Variants in ZNF69 observed in about 807,000 individuals in gnomAD.
ZNF69 encodes zinc finger protein 69, also known as ZNF3.
ZNF69 carries 47 observed loss-of-function variants against 50.9 expected under a neutral mutation model. That is an observed-to-expected ratio of 0.92 (90% CI 0.73 to 1.18). ZNF69 has a LOEUF of 1.18. ZNF69 is among the 50% of genes most tolerant of loss of function. The pLI, the probability that ZNF69 is intolerant of heterozygous loss-of-function variation, is 0.00. For synonymous variants in ZNF69, 216 were observed against 223.1 expected (o/e 0.97, Z 0.29); for missense variants, 717 against 675.1 (o/e 1.06, Z -0.69).
At chr19:11,949,911 C>T in the ZNF69 span, 1 of 1,614,080 alleles carries the variant, frequency 6.2e-7, no homozygotes, top group Admixed American at 1.7e-5. Context: ...GGAAAGCCTT[C>T]AGATCTGCCT....
chr19:11,910,941 T>C (rs960667908), downstream of ZNF69, among the ~76,000 whole-genome samples: 28 of 152,148 alleles, frequency 1.8e-4, no homozygotes, highest in Middle Eastern at 3.4e-3. Context: ...AGGGCTAATA[T>C]CCAGAATCTA....
In ZNF69 at chr19:11,905,157, G is replaced by A; in HGVS notation, c.760G>A (p.Gly254Ser). 1 of 1,614,050 alleles carries A rather than the reference G, an allele frequency of 6.2e-7. No homozygotes were observed. Among genetic ancestry groups the A allele is most frequent in the East Asian group, 2.2e-5 (1 of 44,868 alleles). The stretch of plus-strand genomic sequence containing the variant: ...GAAACCATATGAATGTAAACAATGT[G>A]GTAAATCCTTTAGTTATTCTGCTAC... ...GEKPYECKQCGKSFSYSATLR... is the reference protein window; with the variant it reads ...GEKPYECKQCSKSFSYSATLR... Residue 254 changes from glycine (G) to serine (S), a missense_variant, in exon 4 of 4, where the codon GGT (glycine) becomes AGT (serine). Physicochemically the swap from Gly to Ser is moderately conservative, Grantham distance 56. Transcript: ENST00000429654.
the ZNF69 span, chr19:11,949,430 C>T: frequency 3.1e-6 from 5 of 1,612,938 alleles, no homozygotes; most frequent in African/African-American, 4.0e-5. Context: ...AGGACTCATA[C>T]TGGAGAGAAA....
intron 1 of ZNF69, among the ~76,000 whole-genome samples, chr19:11,889,330 T>TA (rs1181109569): frequency 6.6e-6 from 1 of 152,298 alleles, no homozygotes; most frequent in Admixed American, 6.5e-5. Flanking sequence ...TTGCTGCATG[T>TA]AAACTCCTAA....
At chr19:11,935,233 G>GTTTTTTT in the ZNF69 span, among the ~76,000 whole-genome samples, 1 of 93,234 alleles carries the variant, frequency 1.1e-5, no homozygotes, top group African/African-American at 5.2e-5. Flanking sequence ...GAAAGATCTT[G>GTTTTTTT]TTTTTTTTTT....
the ZNF69 span, among the ~76,000 whole-genome samples, chr19:11,957,632 A>G: frequency 5.3e-5 from 8 of 152,080 alleles, no homozygotes; most frequent in Admixed American, 1.3e-4. Context: ...ATCACTTGAG[A>G]TCAGGAGTTC....
chr19:11,951,129 A>G, the ZNF69 span, among the ~76,000 whole-genome samples: 9 of 147,050 alleles, frequency 6.1e-5, no homozygotes, highest in Admixed American at 2.7e-4. Flanking sequence ...CCAGCCTGGC[A>G]ACAGAGCAAG....
At position 11,905,454 on chromosome 19, in the gene ZNF69, A is replaced by G. The variant is rs148732207; in HGVS notation, c.1057A>G (p.Met353Val). The change falls in exon 4 of 4, where the codon ATG (methionine) becomes GTG (valine). Residue 353 changes from methionine to valine, a missense_variant. Physicochemically the swap from Met to Val is conservative, Grantham distance 21. Coordinates refer to ENST00000429654, the MANE Select transcript of ZNF69 (RefSeq NM_001364730.1). ...SLTSFQTHIRMHSGERPYECK... is the reference protein window; with the variant it reads ...SLTSFQTHIRVHSGERPYECK... ...TACAAGTTTTCAAACACACATAAGA[A>G]TGCACTCTGGAGAAAGACCTTATGA... 1.8e-3 allele frequency: 2,861 copies of G among 1,614,242 alleles called. 34 individuals carry two copies. The Admixed American group carries it at 0.025, about 14-fold the overall frequency.
the ZNF69 span, among the ~76,000 whole-genome samples, chr19:11,944,632 G>A: frequency 6.6e-6 from 1 of 152,196 alleles, no homozygotes; most frequent in Admixed American, 6.5e-5. Flanking sequence ...CCCACCCAGA[G>A]TATGTACACA....
chr19:11,907,691 A>G (rs1261742156), downstream of ZNF69, among the ~76,000 whole-genome samples: 1 of 152,232 alleles, frequency 6.6e-6, no homozygotes, highest in African/African-American at 2.4e-5. Flanking sequence ...ATGGAAAGGA[A>G]CAACCGGTAC....
chr19:11,964,907 T>G, the ZNF69 span: 2 of 408,640 alleles, frequency 4.9e-6, no homozygotes, highest in Admixed American at 3.9e-5. Context: ...TCAGTCTGGC[T>G]CTGCCGGGCC....
chr19:11,907,795 A>G (rs888921169), downstream of ZNF69, among the ~76,000 whole-genome samples: 2 of 152,220 alleles, frequency 1.3e-5, no homozygotes, highest in African/African-American at 4.8e-5. Flanking sequence ...TAACATCATA[A>G]TGACTGGATC....
chr19:11,907,452 C>T (rs952213197), downstream of ZNF69, among the ~76,000 whole-genome samples: 1 of 152,220 alleles, frequency 6.6e-6, no homozygotes, highest in African/African-American at 2.4e-5. Flanking sequence ...CAAAGGGAAG[C>T]CCGTCAGACT....
At chr19:11,913,733 A>C in exon 5 of ZNF69, 27 of 183,954 alleles carry the variant, frequency 1.5e-4, no homozygotes, top group South Asian at 3.8e-4. Flanking sequence ...CAGTTATCTC[A>C]TGTACCTCTG....
chr19:11,978,098 G>A, the ZNF69 span: 2 of 1,605,032 alleles, frequency 1.2e-6, no homozygotes, highest in Non-Finnish European at 1.7e-6. Context: ...TTCATAATGT[G>A]CTTCTCACTT....
the ZNF69 span, among the ~76,000 whole-genome samples, chr19:11,952,152 A>G: frequency 6.6e-6 from 1 of 151,874 alleles, no homozygotes; most frequent in South Asian, 2.1e-4. Flanking sequence ...GCACTCCTGC[A>G]TGGGCAACAA....
At chr19:11,978,692 T>C in the ZNF69 span, 4 of 1,614,214 alleles carry the variant, frequency 2.5e-6, no homozygotes, top group Non-Finnish European at 3.4e-6. Flanking sequence ...AAAAGCCTTA[T>C]GAATGTCAGC....
chr19:11,904,064 T>C (rs992496127), intron 3 of ZNF69, 99 bp downstream of exon 3: 11 of 1,399,658 alleles, frequency 7.9e-6, no homozygotes, highest in Non-Finnish European at 9.8e-7. Context: ...CAGGATCAAA[T>C]ACATTTATTT....
At chr19:11,956,757 G>A in the ZNF69 span, 1 of 381,130 alleles carries the variant, frequency 2.6e-6, no homozygotes, top group Non-Finnish European at 4.6e-6. Flanking sequence ...TCGGGAGGCT[G>A]AGGCATGAGA....
Sources: gnomAD v4.1 joint callset for allele counts (sites outside exome capture counted in the v4.1 genomes callset) on GRCh38, gnomAD v4.1.1 for gene constraint, MANE v1.5 for transcripts, NCBI Gene and HGNC (gene_info 2026-07-23, HGNC 2026-07-21) for gene names.